RASAL2: variants seen among roughly 807,000 people sequenced by gnomAD.
RASAL2 encodes the protein RAS protein activator like 2.
In RASAL2, 58 loss-of-function variants were observed where a neutral mutation model predicts 128.9. The ratio of observed to expected loss-of-function variants is 0.45; its 90% CI spans 0.36 to 0.56. RASAL2 has a LOEUF of 0.56. RASAL2 is among the 20% of genes least tolerant of loss of function. The pLI, the probability that RASAL2 is intolerant of heterozygous loss-of-function variation, is 0.00. For synonymous variants in RASAL2, 561 were observed against 580.8 expected (o/e 0.97, Z 0.49); for missense variants, 1,360 against 1,601.6 (o/e 0.85, Z 2.57).
chr1:178,242,496 CTT>C (rs909715587), intron 1 of RASAL2, among the ~76,000 whole-genome samples: 4 of 140,176 alleles, frequency 2.9e-5, no homozygotes, highest in Admixed American at 7.3e-5. Context: ...ATCTCTCTCT[CTT>C]GTCTCTCTCT....
intron 3 of RASAL2, among the ~76,000 whole-genome samples, chr1:178,370,476 AT>A (rs1305041785): frequency 1.3e-5 from 2 of 152,172 alleles, no homozygotes; most frequent in Non-Finnish European, 2.9e-5. Context: ...CTACTTCTCA[AT>A]TTTTTGTAGT....
chr1:178,360,637 G>T (rs1340296473), intron 3 of RASAL2, among the ~76,000 whole-genome samples: 1 of 152,162 alleles, frequency 6.6e-6, no homozygotes, highest in African/African-American at 2.4e-5. Flanking sequence ...CCTTGTTCAG[G>T]GTTTTATTTT....
At chr1:178,468,568 C>T (rs1647966072) in intron 17 of RASAL2, among the ~76,000 whole-genome samples, 1 of 152,218 alleles carries the variant, frequency 6.6e-6, no homozygotes, top group African/African-American at 2.4e-5. Flanking sequence ...CTCCTTTAAA[C>T]ACACTAGACT....
At chr1:178,372,531 G>C (rs983120039) in intron 3 of RASAL2, among the ~76,000 whole-genome samples, 1 of 152,140 alleles carries the variant, frequency 6.6e-6, no homozygotes, top group African/African-American at 2.4e-5. Flanking sequence ...ATAAGAGAGA[G>C]ATTGCTTTGC....
At chr1:178,365,896 T>G (rs1304598647) in intron 3 of RASAL2, among the ~76,000 whole-genome samples, 3 of 152,194 alleles carry the variant, frequency 2.0e-5, no homozygotes, top group Non-Finnish European at 2.9e-5. Context: ...TTATATAGAT[T>G]ATTACTTTGA....
chr1:178,394,378 CTTAAGT>C (rs1673088327), intron 4 of RASAL2, among the ~76,000 whole-genome samples: 1 of 152,108 alleles, frequency 6.6e-6, no homozygotes, highest in African/African-American at 2.4e-5. Flanking sequence ...CAGGTACATA[CTTAAGT>C]TTAATTCAGA....
chr1:178,406,868 A>G (rs1002317917), intron 4 of RASAL2, among the ~76,000 whole-genome samples: 2 of 151,778 alleles, frequency 1.3e-5, no homozygotes, highest in African/African-American at 4.8e-5. Flanking sequence ...AATGACATTA[A>G]TGTGTCAACA....
At chr1:178,112,812 T>C (rs1266425333) in intron 1 of RASAL2, among the ~76,000 whole-genome samples, 2 of 147,922 alleles carry the variant, frequency 1.4e-5, no homozygotes, top group East Asian at 4.1e-4. Context: ...TAATGCTAGA[T>C]GACGAGTTAG....
intron 5 of RASAL2, among the ~76,000 whole-genome samples, chr1:178,431,123 A>G (rs1229162864): frequency 6.6e-6 from 1 of 152,080 alleles, no homozygotes; most frequent in African/African-American, 2.4e-5. Flanking sequence ...AAGAAAATGT[A>G]GCTTATTTCT....
chr1:178,462,497 T>C (rs2102930397), intron 14 of RASAL2, among the ~76,000 whole-genome samples: 1 of 152,266 alleles, frequency 6.6e-6, no homozygotes. Context: ...TATAGTTTTT[T>C]CATTTGAAGA....
At position 178,365,779 on chromosome 1, in the gene RASAL2, C is replaced by A. The variant is rs943794426; in HGVS notation, c.458-24321C>A. On this transcript the variant is annotated intron_variant, in intron 3 of 17. Transcript: ENST00000367649. ...TGAGCCACCATGCCAACCTAGTTGC[C>A]TTTTAGAAAACTAGTTATTCTTGCT... Among the ~76,000 whole-genome samples the A allele has an allele frequency of 2.0e-5, 3 of 152,076 alleles. No individual in the cohort carries two copies. In the South Asian group the frequency reaches 6.2e-4, roughly 32 times the overall value.
At chr1:178,400,625 T>G (rs1022307334) in intron 4 of RASAL2, among the ~76,000 whole-genome samples, 1 of 152,076 alleles carries the variant, frequency 6.6e-6, no homozygotes, top group Non-Finnish European at 1.5e-5. Context: ...TTAAAAAAAT[T>G]TTTGCTCTTT....
intron 1 of RASAL2, among the ~76,000 whole-genome samples, chr1:178,224,231 T>G (rs937971039): frequency 2.6e-5 from 4 of 152,018 alleles, no homozygotes; most frequent in African/African-American, 9.6e-5. Context: ...AGAATTTTTT[T>G]TTTTTTTTTA....
chr1:178,243,218 A>C (rs868515908), intron 1 of RASAL2, among the ~76,000 whole-genome samples: 1 of 152,132 alleles, frequency 6.6e-6, no homozygotes, highest in African/African-American at 2.4e-5. Flanking sequence ...GAGATTTTGC[A>C]GTACTATTTT....
chr1:178,160,589 C>T (rs534287843), intron 1 of RASAL2, among the ~76,000 whole-genome samples: 9 of 152,242 alleles, frequency 5.9e-5, no homozygotes, highest in Non-Finnish European at 1.0e-4. Flanking sequence ...GAGCCGAGAT[C>T]GCACCACTGC....
At chr1:178,120,074 TCA>T (rs1175136213) in intron 1 of RASAL2, among the ~76,000 whole-genome samples, 1 of 152,230 alleles carries the variant, frequency 6.6e-6, no homozygotes, top group Non-Finnish European at 1.5e-5. Context: ...TACTTGATAT[TCA>T]CATTTTTTTC....
intron 1 of RASAL2, among the ~76,000 whole-genome samples, chr1:178,230,222 C>G (rs181736006): frequency 6.6e-6 from 1 of 151,946 alleles, no homozygotes; most frequent in African/African-American, 2.4e-5. Context: ...ACATTTGGGT[C>G]GTTTTATTTT....
intron 2 of RASAL2, among the ~76,000 whole-genome samples, chr1:178,297,818 A>G (rs1340204456): frequency 1.3e-5 from 2 of 152,128 alleles, no homozygotes; most frequent in Admixed American, 6.5e-5. Context: ...TTAGGCCCAA[A>G]TAAAAAATAT....
chr1:178,241,552 A>C (rs79603388), intron 1 of RASAL2, among the ~76,000 whole-genome samples: 2,829 of 152,252 alleles, frequency 0.019, 85 homozygotes, highest in African/African-American at 0.065. Context: ...TCCTCCACTG[A>C]TCTGATATCT....
Sources: gnomAD v4.1 joint callset for allele counts (sites outside exome capture counted in the v4.1 genomes callset) on GRCh38, gnomAD v4.1.1 for gene constraint, MANE v1.5 for transcripts, NCBI Gene and HGNC (gene_info 2026-07-23, HGNC 2026-07-21) for gene names.